The following CYP4X1 variants were observed in gnomAD, a reference collection of about 807,000 sequenced individuals.
CYP4X1 encodes the protein cytochrome P450 4X1.
In CYP4X1, 44 loss-of-function variants were observed where a neutral mutation model predicts 57.9. The ratio of observed to expected loss-of-function variants is 0.76; its 90% CI spans 0.60 to 0.98. The LOEUF is 0.98. Ranked by LOEUF, CYP4X1 falls within the 50% of genes least tolerant of loss-of-function variation. The pLI, the probability that CYP4X1 is intolerant of heterozygous loss-of-function variation, is 0.00. For synonymous variants in CYP4X1, 227 were observed against 228.6 expected (o/e 0.99, Z 0.06); for missense variants, 532 against 623.9 (o/e 0.85, Z 1.57).
At chr1:46,998,183 T>G in the CYP4X1 span, among the ~76,000 whole-genome samples, 1 of 150,802 alleles carries the variant, frequency 6.6e-6, no homozygotes, top group Non-Finnish European at 1.5e-5. Flanking sequence ...GTTTGTTTTT[T>G]AGAAACCTAG....
intron 3 of CYP4X1, among the ~76,000 whole-genome samples, chr1:47,032,746 A>T (rs142236918): frequency 1.3e-5 from 2 of 152,156 alleles, no homozygotes; most frequent in African/African-American, 4.8e-5. Flanking sequence ...TATGTTCATC[A>T]TATAGTTTAT....
the CYP4X1 span, among the ~76,000 whole-genome samples, chr1:46,989,976 G>A: frequency 1.3e-5 from 2 of 152,222 alleles, no homozygotes; most frequent in African/African-American, 4.8e-5. Context: ...TAGCTTTCAG[G>A]ATATAGGCAT....
At chr1:47,025,198 A>AT (rs372631659) in intron 1 of CYP4X1, among the ~76,000 whole-genome samples, 70 of 152,182 alleles carry the variant, frequency 4.6e-4, no homozygotes, top group Middle Eastern at 3.4e-3. Context: ...CCCAGAACTG[A>AT]TTGTTGAAAA....
At chr1:47,039,737 T>C in intron 8 of CYP4X1, 1 of 389,282 alleles carries the variant, frequency 2.6e-6, no homozygotes, top group Admixed American at 4.4e-5. Context: ...TATTTATCCA[T>C]AAATTGTCTG....
the CYP4X1 span, among the ~76,000 whole-genome samples, chr1:46,999,026 T>TTTTGTGTGTGTGTG: frequency 5.4e-4 from 77 of 143,326 alleles, no homozygotes; most frequent in East Asian, 5.9e-3. Flanking sequence ...CTTGCTTTCT[T>TTTTGTGTGTGTGTG]TGTGTGTGTG....
chr1:47,033,505 C>A, intron 4 of CYP4X1, 137 bp downstream of exon 4: 2 of 1,072,974 alleles, frequency 1.9e-6, no homozygotes, highest in Non-Finnish European at 2.6e-6. Flanking sequence ...ACTTATTGAA[C>A]AATAGGTGTC....
chr1:46,970,210 C>T, the CYP4X1 span, among the ~76,000 whole-genome samples: 2 of 152,206 alleles, frequency 1.3e-5, no homozygotes, highest in South Asian at 4.1e-4. Flanking sequence ...TTATTATGTA[C>T]TATCTAATTC....
chr1:47,053,733 C>T (rs1644373852), downstream of CYP4X1, among the ~76,000 whole-genome samples: 1 of 152,288 alleles, frequency 6.6e-6, no homozygotes, highest in East Asian at 1.9e-4. Flanking sequence ...GAAGTCTCTG[C>T]TCATATCCTT....
At chr1:47,045,495 A>G (rs891676777) in intron 8 of CYP4X1, among the ~76,000 whole-genome samples, 4 of 152,182 alleles carry the variant, frequency 2.6e-5, no homozygotes, top group Non-Finnish European at 5.9e-5. Flanking sequence ...GCCCAGTGTA[A>G]TACTGAAACT....
the CYP4X1 span, among the ~76,000 whole-genome samples, chr1:46,994,779 C>A: frequency 6.6e-6 from 1 of 152,178 alleles, no homozygotes; most frequent in Non-Finnish European, 1.5e-5. Context: ...ATTCAACAAA[C>A]ACCTACTATG....
rs773892414 is a variant in CYP4X1 at position 47,050,102 on chromosome 1, T to C, written c.1458T>C (p.Thr486=). The change falls in exon 12 of 12, where the codon ACT becomes ACC. Residue 486 remains threonine (T), a synonymous_variant. Transcript: ENST00000371901. ...RVTPDPTRPL[T]FPNHFILKPK... Reference sequence around the variant, plus strand: ...CTCCAGACCCCACCAGGCCTCTTACTTTCCCCAACCATTTTATCCTCAAGC... The same window carrying C: ...CTCCAGACCCCACCAGGCCTCTTACCTTCCCCAACCATTTTATCCTCAAGC... 10 of 1,613,980 alleles carry C rather than the reference T, an allele frequency of 6.2e-6. No homozygotes were observed. In the Admixed American group the frequency reaches 1.5e-4, roughly 24 times the overall value.
At chr1:47,046,392 C>T (rs1242183995) in intron 8 of CYP4X1, 75 bp from the exon 9 acceptor site, 3 of 1,584,620 alleles carry the variant, frequency 1.9e-6, no homozygotes, top group Non-Finnish European at 2.6e-6. Flanking sequence ...TAATAATTAC[C>T]AGGAACAAAC....
the CYP4X1 span, among the ~76,000 whole-genome samples, chr1:46,981,053 A>C: frequency 6.6e-6 from 1 of 152,226 alleles, no homozygotes; most frequent in South Asian, 2.1e-4. Context: ...AGGCAATACC[A>C]TTCAGAACAT....
intron 4 of CYP4X1, among the ~76,000 whole-genome samples, chr1:47,034,800 G>A (rs917853698): frequency 2.6e-5 from 4 of 151,762 alleles, no homozygotes; most frequent in South Asian, 2.1e-4. Flanking sequence ...TCTATTTCTC[G>A]GAGCGCTTCC....
At chr1:47,036,265 A>G (rs778035980) in intron 6 of CYP4X1, 94 bp downstream of exon 6, 1 of 1,383,328 alleles carries the variant, frequency 7.2e-7, no homozygotes, top group Non-Finnish European at 9.4e-7. Flanking sequence ...CAAGAGAAAG[A>G]ATCTTTGTTA....
chr1:46,976,653 G>T, the CYP4X1 span, among the ~76,000 whole-genome samples: 4 of 152,134 alleles, frequency 2.6e-5, no homozygotes, highest in African/African-American at 9.7e-5. Flanking sequence ...CCTCAAGTGG[G>T]TCCCTGACCC....
At position 47,050,706 on chromosome 1, in the gene CYP4X1, T is replaced by C. The variant is rs191907943; in HGVS notation, c.*532T>C. 2.0e-5 allele frequency: 3 copies of C among 152,458 alleles called. No homozygotes were observed. The highest frequency in any genetic ancestry group is 2.0e-4 in the Admixed American group (3 of 15,310). 9.4% of individuals were successfully genotyped at this position (152,458 alleles called of 1,614,324 possible). A position where few individuals can be genotyped will look rare whatever the true frequency, so the allele number is the denominator to read the frequency against. On this transcript the variant is annotated 3_prime_UTR_variant, in exon 12 of 12. Transcript: ENST00000371901. ...TTGTATAGATGTGATCATTCCTATA[T>C]TGTTATTGATTTTTTTCACTTAATA...
intron 6 of CYP4X1, among the ~76,000 whole-genome samples, chr1:47,038,206 T>C (rs906402290): frequency 7.9e-5 from 12 of 152,204 alleles, no homozygotes; most frequent in African/African-American, 2.7e-4. Flanking sequence ...GTATCTAAAA[T>C]AAAAGTTGAA....
chr1:47,007,631 G>C, the CYP4X1 span, among the ~76,000 whole-genome samples: 33 of 152,204 alleles, frequency 2.2e-4, no homozygotes, highest in East Asian at 6.4e-3. Flanking sequence ...ACTACTCCAA[G>C]CTAAAGGAGG....
Sources: gnomAD v4.1 joint callset for allele counts (sites outside exome capture counted in the v4.1 genomes callset) on GRCh38, gnomAD v4.1.1 for gene constraint, MANE v1.5 for transcripts, NCBI Gene and HGNC (gene_info 2026-07-23, HGNC 2026-07-21) for gene names.